Variants in KPNA1 observed in about 807,000 individuals in gnomAD.
The protein encoded by KPNA1 is importin subunit alpha-5.
In KPNA1, 10 loss-of-function variants were observed where a neutral mutation model predicts 70.5. The ratio of observed to expected loss-of-function variants is 0.14; its 90% CI spans 0.09 to 0.24. KPNA1 has a LOEUF of 0.24. Ranked by LOEUF, KPNA1 falls within the 10% of genes least tolerant of loss-of-function variation. KPNA1 has a pLI of 1.00. For synonymous variants in KPNA1, 192 were observed against 221.9 expected (o/e 0.87, Z 1.20); for missense variants, 397 against 637.9 (o/e 0.62, Z 4.07).
chr3:122,489,681 G>A (rs1415516353), intron 2 of KPNA1, among the ~76,000 whole-genome samples: 1 of 151,994 alleles, frequency 6.6e-6, no homozygotes, highest in Non-Finnish European at 1.5e-5. Context: ...TTTATCAGTC[G>A]AGTCAGTTTC....
intron 2 of KPNA1, among the ~76,000 whole-genome samples, chr3:122,489,583 T>C (rs1176952962): frequency 6.6e-6 from 1 of 152,224 alleles, no homozygotes; most frequent in East Asian, 1.9e-4. Flanking sequence ...TCTTTTTTTA[T>C]CTTCCATGTC....
At chr3:122,460,662 A>AAT in intron 5 of KPNA1, 24 of 797,722 alleles carry the variant, frequency 3.0e-5, no homozygotes, top group South Asian at 5.6e-5. Context: ...AAAAAAAAAA[A>AAT]GAAAATTCTG....
At chr3:122,469,269 G>A (rs931676026) in intron 2 of KPNA1, among the ~76,000 whole-genome samples, 1 of 151,704 alleles carries the variant, frequency 6.6e-6, no homozygotes. Context: ...AAATTCCCCA[G>A]GCCTCCACAA....
intron 1 of KPNA1, among the ~76,000 whole-genome samples, chr3:122,503,802 C>A (rs923561093): frequency 1.3e-5 from 2 of 151,904 alleles, no homozygotes; most frequent in African/African-American, 2.4e-5. Context: ...TGTGTATTAC[C>A]CCTTTCCAAT....
rs775959076 is a variant in KPNA1 at position 122,470,196 on chromosome 3, A to C, written c.130-2767T>G. On this transcript the variant is annotated intron_variant, in intron 2 of 13. Coordinates refer to ENST00000344337, the MANE Select transcript of KPNA1 (RefSeq NM_002264.4). ...ATGTAAGCTAATGTGTATATACATA[A>C]GATTACAAACATTTCTGTATAAGCT... is the stretch of plus-strand genomic sequence containing the variant. 2.6e-5 allele frequency among the ~76,000 whole-genome samples: 4 copies of C among 152,202 alleles called. No homozygotes were observed. The East Asian group carries it at 7.7e-4, about 29-fold the overall frequency.
chr3:122,453,848 C>T, intron 6 of KPNA1, 22 bp downstream of exon 6: 3 of 1,582,634 alleles, frequency 1.9e-6, no homozygotes, highest in South Asian at 1.2e-5. Flanking sequence ...CTTTCACCTG[C>T]TTCTTTTTGT....
At chr3:122,471,993 T>G (rs1014209799) in intron 2 of KPNA1, among the ~76,000 whole-genome samples, 14 of 152,216 alleles carry the variant, frequency 9.2e-5, no homozygotes, top group Non-Finnish European at 2.9e-5. Context: ...AATTCACTAT[T>G]ATAGTTGGAC....
intron 10 of KPNA1, among the ~76,000 whole-genome samples, chr3:122,440,393 C>G (rs4677951): frequency 0.22 from 34,056 of 152,096 alleles, 4,230 homozygotes; most frequent in Non-Finnish European, 0.27. Flanking sequence ...AGTGGAGACA[C>G]ATGTTCCAGG....
chr3:122,508,478 T>C (rs2076916034), intron 1 of KPNA1, among the ~76,000 whole-genome samples: 1 of 152,104 alleles, frequency 6.6e-6, no homozygotes, highest in South Asian at 2.1e-4. Context: ...CAGACAACCA[T>C]CCTTCAGTAA....
intron 1 of KPNA1, among the ~76,000 whole-genome samples, chr3:122,513,649 A>AC (rs1444426319): frequency 1.3e-5 from 2 of 151,988 alleles, no homozygotes; most frequent in Non-Finnish European, 2.9e-5. Context: ...TAAGAAAAAA[A>AC]AAAACAAAAC....
intron 12 of KPNA1, 79 bp downstream of exon 12, chr3:122,433,582 A>G (rs987980061): frequency 1.7e-6 from 2 of 1,173,622 alleles, no homozygotes; most frequent in Admixed American, 2.6e-5. Flanking sequence ...ACTCTAGGTA[A>G]TATGTGGGAG....
chr3:122,477,195 C>T lies in KPNA1; in HGVS notation c.130-9766G>A, dbSNP rs966132422. The stretch of plus-strand genomic sequence containing the variant: ...ATACAGAAAGACCACATAAGCATCT[C>T]ACTTTTATGTGGAATCTAAAAAAGC... On this transcript the variant is annotated intron_variant, in intron 2 of 13. Coordinates refer to ENST00000344337, the MANE Select transcript of KPNA1 (RefSeq NM_002264.4). Among the ~76,000 whole-genome samples the T allele has an allele frequency of 5.9e-5, 9 of 152,132 alleles. No individual in the cohort carries two copies. In the South Asian group the frequency reaches 1.0e-3, roughly 17 times the overall value.
At chr3:122,467,211 A>C in intron 3 of KPNA1, 111 bp downstream of exon 3, 1 of 520,886 alleles carries the variant, frequency 1.9e-6, no homozygotes, top group South Asian at 2.8e-5. Flanking sequence ...TCTTTTTAAA[A>C]ATGAAATGCC....
intron 1 of KPNA1, among the ~76,000 whole-genome samples, chr3:122,505,860 TACAA>T (rs1365384187): frequency 6.6e-6 from 1 of 152,216 alleles, no homozygotes; most frequent in Admixed American, 6.5e-5. Context: ...CCTAGATAAC[TACAA>T]CAGCTCTAAA....
intron 4 of KPNA1, 35 bp from the exon 5 acceptor site, chr3:122,461,353 C>T: frequency 6.9e-7 from 1 of 1,447,654 alleles, no homozygotes; most frequent in Non-Finnish European, 9.6e-7. Flanking sequence ...AAAAAAAATC[C>T]TTTGATTTCA....
intron 2 of KPNA1, among the ~76,000 whole-genome samples, chr3:122,486,550 A>C (rs1035474275): frequency 9.2e-5 from 14 of 152,156 alleles, no homozygotes; most frequent in Admixed American, 9.2e-4. Flanking sequence ...CCAGACTGTC[A>C]TAAACCTATT....
intron 6 of KPNA1, 90 bp downstream of exon 6, chr3:122,453,780 T>A (rs1441951645): frequency 3.1e-6 from 4 of 1,277,240 alleles, no homozygotes; most frequent in Admixed American, 4.8e-5. Flanking sequence ...TCCACCCACC[T>A]TGGCCTCCCA....
chr3:122,458,033 G>T (rs545599122), intron 5 of KPNA1, among the ~76,000 whole-genome samples: 1 of 152,230 alleles, frequency 6.6e-6, no homozygotes, highest in South Asian at 2.1e-4. Flanking sequence ...TTTTAGAGGG[G>T]ACAAGAAAGG....
intron 11 of KPNA1, among the ~76,000 whole-genome samples, chr3:122,434,522 A>C (rs1043760080): frequency 1.3e-5 from 2 of 152,190 alleles, no homozygotes; most frequent in African/African-American, 2.4e-5. Context: ...CATCTCAAAC[A>C]CATCATCTGC....
Sources: allele counts gnomAD v4.1 joint callset (sites outside exome capture counted in the v4.1 genomes callset), GRCh38; gene constraint gnomAD v4.1.1; transcripts MANE v1.5; gene names NCBI Gene and HGNC (gene_info 2026-07-23, HGNC 2026-07-21).